NWD2: variants seen among roughly 807,000 people sequenced by gnomAD.
NWD2 encodes NACHT and WD repeat domain-containing protein 2.
NWD2 carries 37 observed loss-of-function variants against 132.7 expected under a neutral mutation model. The ratio of observed to expected loss-of-function variants is 0.28; its 90% confidence interval spans 0.21 to 0.37. The LOEUF (loss-of-function observed/expected upper bound fraction) is 0.37. Among genes scored for constraint, NWD2 ranks in the 10% least tolerant of loss-of-function variants. NWD2 has a pLI of 1.00. For synonymous variants in NWD2, 705 were observed against 803.0 expected, an observed-to-expected ratio of 0.88 and a Z score of 2.06; for missense variants, 1,592 against 2,122.4, an observed-to-expected ratio of 0.75 and a Z score of 4.91.
chr4:37,354,795 T>C (rs1047810120), intron 2 of NWD2, among the ~76,000 whole-genome samples: 11 of 152,206 alleles, frequency 7.2e-5, no homozygotes, highest in Admixed American at 5.9e-4. Context: ...TGGCAGGATA[T>C]TAATTTACCA....
chr4:37,360,840 T>A (rs1422651054), intron 3 of NWD2, among the ~76,000 whole-genome samples: 2 of 152,184 alleles, frequency 1.3e-5, no homozygotes, highest in Non-Finnish European at 2.9e-5. Flanking sequence ...TTTCTTCTTG[T>A]CATCCCTCCA....
At position 37,272,135 on chromosome 4, in the gene NWD2, C is replaced by CT. The variant is rs1199264991; in HGVS notation, c.151+26919dup. On this transcript the variant is annotated intron_variant, in intron 1 of 6. Transcript: ENST00000309447. ...TTTTCAAATGTTAAAGCAACCTGTT[C>CT]TTCTTCAGATAACCTAACTTGGTCG... is the stretch of plus-strand genomic sequence containing the variant. 2.0e-5 allele frequency among the ~76,000 whole-genome samples: 3 copies of CT among 151,736 alleles called. No homozygotes were observed. The East Asian group carries it at 5.8e-4, about 29-fold the overall frequency.
chr4:37,364,388 G>A (rs1473781189), intron 3 of NWD2, among the ~76,000 whole-genome samples: 12 of 151,976 alleles, frequency 7.9e-5, no homozygotes, highest in Admixed American at 6.6e-4. Flanking sequence ...GCGATGAGAG[G>A]AGCACCATTA....
chr4:37,435,991 T>C (rs1417827940), intron 5 of NWD2, among the ~76,000 whole-genome samples: 1 of 152,188 alleles, frequency 6.6e-6, no homozygotes, highest in East Asian at 1.9e-4. Context: ...TAAAGGTGTA[T>C]TGTTTATGTT....
At chr4:37,401,350 G>T (rs1428812187) in intron 3 of NWD2, among the ~76,000 whole-genome samples, 1 of 151,776 alleles carries the variant, frequency 6.6e-6, no homozygotes, top group African/African-American at 2.4e-5. Context: ...GCTCTCCAGA[G>T]ATACCACCTT....
In NWD2 at chr4:37,447,023, A is replaced by G. The variant is rs867800026; in HGVS notation, c.5035A>G (p.Ser1679Gly). The G allele has an allele frequency of 6.4e-7, 1 of 1,551,604 alleles. No homozygotes were observed. Among genetic ancestry groups the G allele is most frequent in the South Asian group, 1.2e-5 (1 of 84,060 alleles). Reference sequence around the variant, plus strand: ...ACACACCTCCAGGCCAAAGTGTAACAGTTATTGTTTTAAAATATCTGTGGA... The same window carrying G: ...ACACACCTCCAGGCCAAAGTGTAACGGTTATTGTTTTAAAATATCTGTGGA... ...ATHTSRPKCN[S>G]YCFKISVDCL... Residue 1679 changes from serine to glycine, a missense_variant, in exon 7 of 7, where the codon AGT becomes GGT. Transcript: ENST00000309447.
Position 37,443,370 on chromosome 4 carries a change from C to G in NWD2, c.1382C>G (p.Ser461Cys). ...TTTCTAGGAACGACAGACATGAGCT[C>G]TGACCTTAGGACTCTCCTTCTAAGT... ...VRFLGTTDMS[S>C]DLRTLLLSVC... The change falls in exon 7 of 7, where the codon TCT becomes TGT. Residue 461 changes from serine to cysteine, a missense_variant. Physicochemically the swap from Ser to Cys is moderately radical, Grantham distance 112. Around this residue, in one of 7 missense-constraint regions of NWD2, gnomAD observed 1,071 missense variants for 1,398.0 expected, o/e 0.77. Coordinates refer to ENST00000309447, the MANE Select transcript of NWD2 (RefSeq NM_001144990.2). This position sits in a 1 kb window ranked among gnomAD's most constrained non-coding sequence, Gnocchi z 4.1. 7 of 1,551,938 alleles carry G rather than the reference C, an allele frequency of 4.5e-6. No individual in the cohort carries two copies. The highest frequency in any genetic ancestry group is 6.1e-6 in the Non-Finnish European group (7 of 1,147,040).
chr4:37,413,554 A>T (rs1295297866), intron 3 of NWD2, among the ~76,000 whole-genome samples: 1 of 152,246 alleles, frequency 6.6e-6, no homozygotes, highest in African/African-American at 2.4e-5. Flanking sequence ...ATTGTGGAAG[A>T]CAGTGTGGCG....
At position 37,329,166 on chromosome 4, in the gene NWD2, C is replaced by T. The variant is rs545681382; in HGVS notation, c.240+3142C>T. 2.0e-5 allele frequency among the ~76,000 whole-genome samples: 3 copies of T among 152,244 alleles called. No individual in the cohort carries two copies. The East Asian group carries it at 5.8e-4, about 29-fold the overall frequency. ...CTCTTTGCTTCTCTGAAATTCAATG[C>T]ATAACTCCCGATAATCCATCCAGTT... is the stretch of plus-strand genomic sequence containing the variant. On this transcript the variant is annotated intron_variant, in intron 2 of 6. Transcript: ENST00000309447.
At chr4:37,289,069 A>G (rs1718306021) in intron 1 of NWD2, among the ~76,000 whole-genome samples, 1 of 152,154 alleles carries the variant, frequency 6.6e-6, no homozygotes, top group African/African-American at 2.4e-5. Flanking sequence ...TATGGTTTAC[A>G]TCTAGTGTTT....
chr4:37,314,040 G>A lies in NWD2; in HGVS notation c.152-11896G>A, dbSNP rs1486328033. 2.0e-5 allele frequency among the ~76,000 whole-genome samples: 3 copies of A among 152,008 alleles called. No homozygotes were observed. In the East Asian group the frequency reaches 5.8e-4, roughly 29 times the overall value. ...GAATATGTATTTGATTTTGTCAAAT[G>A]CTTTTTCTGCGTCTATTGAGCAGTC... On this transcript the variant is annotated intron_variant, in intron 1 of 6. Transcript: ENST00000309447.
chr4:37,264,453 G>A (rs1430456749), intron 1 of NWD2, among the ~76,000 whole-genome samples: 1 of 151,896 alleles, frequency 6.6e-6, no homozygotes, highest in Admixed American at 6.6e-5. Context: ...TCATTTTGTT[G>A]TGCAGCCAGT....
In NWD2 at chr4:37,445,356, C is replaced by T; in HGVS notation, c.3368C>T (p.Thr1123Ile). 3.9e-6 allele frequency: 6 copies of T among 1,552,200 alleles called. No individual in the cohort carries two copies. Among genetic ancestry groups the T allele is most frequent in the Non-Finnish European group, 5.2e-6 (6 of 1,147,110 alleles). ...TGTGGCCAATACCTGAACACAACCACCATATTTCATTTAGGGAGTGGAGAA... is the reference window on the plus strand; with the variant it reads ...TGTGGCCAATACCTGAACACAACCATCATATTTCATTTAGGGAGTGGAGAA... The part of the protein sequence containing the change: ...AFCGQYLNTT[T>I]IFHLGSGEKL... Residue 1123 changes from threonine (T) to isoleucine (I), a missense_variant, in exon 7 of 7, where the codon ACC becomes ATC. Coordinates refer to ENST00000309447, the MANE Select transcript of NWD2 (RefSeq NM_001144990.2). This position sits in a 1 kb window ranked among gnomAD's most constrained non-coding sequence, Gnocchi z 4.7.
chr4:37,293,995 G>T (rs761101821), intron 1 of NWD2, among the ~76,000 whole-genome samples: 12 of 152,064 alleles, frequency 7.9e-5, no homozygotes, highest in Non-Finnish European at 1.3e-4. Context: ...TATAGGTAAG[G>T]CTCACTATAG....
rs1712627524 is a variant in NWD2 at position 37,446,079 on chromosome 4, T to A, written c.4091T>A (p.Val1364Glu). The change falls in exon 7 of 7, where the codon GTG becomes GAG. Residue 1364 changes from valine (V) to glutamate (E), a missense_variant. Transcript: ENST00000309447. This position sits in a 1 kb window ranked among gnomAD's most constrained non-coding sequence, Gnocchi z 6.7. ...CATGAAGGAATAGTTGAACACTGTG[T>A]GTTAACATCCACCGGAGATATAATG... ...FKHEGIVEHC[V>E]LTSTGDIMVT... The A allele has an allele frequency of 8.4e-6, 13 of 1,551,660 alleles. No individual in the cohort carries two copies. The highest frequency in any genetic ancestry group is 1.1e-5 in the Non-Finnish European group (13 of 1,146,956).
At chr4:37,364,729 C>T (rs13127012) in intron 3 of NWD2, among the ~76,000 whole-genome samples, 42,776 of 150,464 alleles carry the variant, frequency 0.28, 7,379 homozygotes, top group Middle Eastern at 0.46. Flanking sequence ...CACACACTGC[C>T]ATCAGTGGCA....
chr4:37,346,081 C>CAAA (rs1198830447), intron 2 of NWD2, among the ~76,000 whole-genome samples: 31 of 92,172 alleles, frequency 3.4e-4, no homozygotes, highest in African/African-American at 1.1e-3. Context: ...TACTCTGTCT[C>CAAA]AAAAAAAAAA....
chr4:37,293,885 TAAAA>T (rs10579771), intron 1 of NWD2, among the ~76,000 whole-genome samples: 80 of 146,612 alleles, frequency 5.5e-4, no homozygotes, highest in Non-Finnish European at 6.1e-4. Context: ...ACACTGCATT[TAAAA>T]AAAAAAAAAA....
chr4:37,297,165 G>A (rs1335924535), intron 1 of NWD2, among the ~76,000 whole-genome samples: 2 of 151,360 alleles, frequency 1.3e-5, no homozygotes, highest in Non-Finnish European at 2.9e-5. Context: ...TTGATTCCAG[G>A]ATCCCTCACA....
Sources: allele counts gnomAD v4.1 joint callset (sites outside exome capture counted in the v4.1 genomes callset), GRCh38; gene constraint gnomAD v4.1.1; regional missense constraint gnomAD v4.1.1; non-coding constraint Gnocchi (gnomAD v3.1); transcripts MANE v1.5; gene names NCBI Gene and HGNC (gene_info 2026-07-23, HGNC 2026-07-21).